Variants in GNB1 observed in about 807,000 individuals in gnomAD.
The protein encoded by GNB1 is G protein subunit beta 1, also known as guanine nucleotide-binding protein G(I)/G(S)/G(T) subunit beta-1.
GNB1 carries 2 observed loss-of-function variants against 42.9 expected under a neutral mutation model. The ratio of observed to expected loss-of-function variants is 0.05; its 90% CI spans 0.02 to 0.15. The LOEUF is 0.15. GNB1 is among the 10% of genes least tolerant of loss of function. The pLI, the probability that GNB1 is intolerant of heterozygous loss-of-function variation, is 1.00. For synonymous variants in GNB1, 183 were observed against 174.7 expected (o/e 1.05, Z -0.38); for missense variants, 193 against 462.2 (o/e 0.42, Z 5.34).
At chr1:1,853,686 A>G (rs898956227) in intron 1 of GNB1, among the ~76,000 whole-genome samples, 9 of 152,188 alleles carry the variant, frequency 5.9e-5, no homozygotes, top group Non-Finnish European at 1.0e-4. Context: ...GAGAACTGGA[A>G]ACAGGAATAA....
intron 1 of GNB1, among the ~76,000 whole-genome samples, chr1:1,879,821 A>G (rs866654136): frequency 7.2e-5 from 11 of 152,144 alleles, no homozygotes; most frequent in African/African-American, 4.8e-5. Context: ...GGATCTTCAC[A>G]TCGTGTCTGC....
At chr1:1,820,769 G>A (rs972011728) in intron 3 of GNB1, among the ~76,000 whole-genome samples, 4 of 152,148 alleles carry the variant, frequency 2.6e-5, no homozygotes, top group East Asian at 1.9e-4. Flanking sequence ...AGACTGTGGT[G>A]ATACTACTGT....
At chr1:1,889,838 G>A (rs568873475) in intron 1 of GNB1, among the ~76,000 whole-genome samples, 8 of 152,268 alleles carry the variant, frequency 5.3e-5, no homozygotes, top group East Asian at 3.9e-4. Flanking sequence ...AGCCTCAGCC[G>A]ACAGCCCTGT....
intron 1 of GNB1, among the ~76,000 whole-genome samples, chr1:1,874,426 C>G (rs1275429431): frequency 1.3e-5 from 2 of 151,456 alleles, no homozygotes; most frequent in Non-Finnish European, 2.9e-5. Flanking sequence ...CTGGGCAACA[C>G]GGTGAAACCC....
intron 5 of GNB1, 50 bp from the exon 6 acceptor site, chr1:1,806,588 G>C: frequency 8.0e-7 from 1 of 1,244,520 alleles, no homozygotes; most frequent in Non-Finnish European, 1.2e-6. Context: ...AACACAGAAA[G>C]TGTACAAGAG....
At chr1:1,825,262 C>A in intron 3 of GNB1, 135 bp downstream of exon 3, 1 of 695,344 alleles carries the variant, frequency 1.4e-6, no homozygotes, top group Non-Finnish European at 2.6e-6. Flanking sequence ...ATAATTAGTA[C>A]ATCCTGGGCC....
intron 2 of GNB1, among the ~76,000 whole-genome samples, chr1:1,825,922 T>C (rs1646992232): frequency 6.6e-6 from 1 of 152,160 alleles, no homozygotes. Flanking sequence ...CAGAGAACTT[T>C]TCTTCAGCAT....
intron 7 of GNB1, among the ~76,000 whole-genome samples, chr1:1,802,629 C>T (rs770521923): frequency 2.6e-5 from 4 of 151,744 alleles, no homozygotes; most frequent in South Asian, 2.1e-4. Context: ...ATTGGCCAGG[C>T]GTGGTGGTGC....
At chr1:1,868,464 C>T (rs1649064681) in intron 1 of GNB1, among the ~76,000 whole-genome samples, 4 of 152,202 alleles carry the variant, frequency 2.6e-5, no homozygotes, top group Admixed American at 2.6e-4. Flanking sequence ...GACACCGTGC[C>T]TGGCCATGTT....
chr1:1,819,592 G>C (rs1034690589), intron 3 of GNB1, among the ~76,000 whole-genome samples: 1 of 151,888 alleles, frequency 6.6e-6, no homozygotes, highest in Non-Finnish European at 1.5e-5. Flanking sequence ...AGCCTGGAGT[G>C]CAGTGATGTC....
chr1:1,848,907 G>A (rs1647829510), intron 1 of GNB1, among the ~76,000 whole-genome samples: 1 of 152,304 alleles, frequency 6.6e-6, no homozygotes, highest in Non-Finnish European at 1.5e-5. Context: ...TTCCTCAGAA[G>A]GAGCTTCAAA....
chr1:1,879,947 T>C (rs1234220786), intron 1 of GNB1, among the ~76,000 whole-genome samples: 1 of 151,972 alleles, frequency 6.6e-6, no homozygotes, highest in East Asian at 1.9e-4. Context: ...TGTTGTTTTT[T>C]AAGACATAGG....
chr1:1,880,887 C>T (rs1267319163), intron 1 of GNB1, among the ~76,000 whole-genome samples: 1 of 149,954 alleles, frequency 6.7e-6, no homozygotes, highest in Non-Finnish European at 1.5e-5. Context: ...GTCCATGGAG[C>T]TTAGAAGAAG....
intron 5 of GNB1, among the ~76,000 whole-genome samples, chr1:1,814,297 G>A (rs1165676086): frequency 3.3e-5 from 5 of 152,130 alleles, no homozygotes; most frequent in African/African-American, 9.7e-5. Flanking sequence ...GGAATACAAA[G>A]AAATACTACT....
chr1:1,812,631 T>C (rs2100814763), intron 5 of GNB1, among the ~76,000 whole-genome samples: 1 of 152,298 alleles, frequency 6.6e-6, no homozygotes, highest in South Asian at 2.1e-4. Flanking sequence ...CATGGACCAA[T>C]GTGGCACCCC....
chr1:1,798,113 A>G (rs965904723), intron 7 of GNB1, among the ~76,000 whole-genome samples: 5 of 152,244 alleles, frequency 3.3e-5, no homozygotes, highest in Middle Eastern at 3.2e-3. Flanking sequence ...AAGGAAAATG[A>G]AAGAGATGAG....
chr1:1,885,778 T>C (rs1461776338), intron 1 of GNB1, among the ~76,000 whole-genome samples: 1 of 150,314 alleles, frequency 6.7e-6, no homozygotes, highest in Non-Finnish European at 1.5e-5. Flanking sequence ...CAGGATGGTC[T>C]CAATCTCCTG....
Position 1,817,552 on chromosome 1 carries a change from G to A in GNB1, c.96+285C>T, listed in dbSNP as rs964876015. ...GAAGTTCTGAGGCAGATTCTGTTGA[G>A]GAGAGGAGCTTCAAAATATCTTAAG... On this transcript the variant is annotated intron_variant, in intron 4 of 11. Coordinates refer to ENST00000378609, the MANE Select transcript of GNB1 (RefSeq NM_002074.5). The A allele has an allele frequency of 5.5e-5, 14 of 256,656 alleles. No individual in the cohort carries two copies. The Admixed American group carries it at 7.1e-4, about 13-fold the overall frequency. 15.9% of individuals were successfully genotyped at this position (256,656 alleles called of 1,614,324 possible).
intron 1 of GNB1, among the ~76,000 whole-genome samples, chr1:1,855,321 CAAA>C (rs371204734): frequency 6.0e-5 from 6 of 99,568 alleles, no homozygotes; most frequent in Admixed American, 2.2e-4. Context: ...GACACTGTGT[CAAA>C]AAAAAAAAAA....
Sources: allele counts gnomAD v4.1 joint callset (sites outside exome capture counted in the v4.1 genomes callset), GRCh38; gene constraint gnomAD v4.1.1; transcripts MANE v1.5; gene names NCBI Gene and HGNC (gene_info 2026-07-23, HGNC 2026-07-21).